SAMMSON: variants seen among roughly 807,000 people sequenced by gnomAD.
SAMMSON encodes survival associated mitochondrial melanoma specific oncogenic non-coding RNA, also known as long intergenic non-protein coding RNA 1212.
chr3:70,017,360 G>A (rs999908468), intron 3 of SAMMSON, among the ~76,000 whole-genome samples: 1 of 152,032 alleles, frequency 6.6e-6, no homozygotes, highest in Non-Finnish European at 1.5e-5. Flanking sequence ...TTGTGAATGG[G>A]AGTTCACTCA....
intron 2 of SAMMSON, among the ~76,000 whole-genome samples, chr3:70,424,261 T>C (rs188303538): frequency 6.6e-6 from 1 of 152,340 alleles, no homozygotes; most frequent in Non-Finnish European, 1.5e-5. Flanking sequence ...AAAAGCTATG[T>C]GCTTAATTTT....
intron 4 of SAMMSON, among the ~76,000 whole-genome samples, chr3:70,117,025 A>G (rs763323619): frequency 7.2e-5 from 11 of 152,212 alleles, no homozygotes; most frequent in Non-Finnish European, 1.3e-4. Context: ...AAGAATAAAG[A>G]GCAAAAACCT....
intron 4 of SAMMSON, among the ~76,000 whole-genome samples, chr3:70,240,755 A>G (rs1701659893): frequency 6.6e-6 from 1 of 152,180 alleles, no homozygotes; most frequent in Non-Finnish European, 1.5e-5. Flanking sequence ...ACGAGAAGAC[A>G]GAAGCAAGCC....
Position 70,153,249 on chromosome 3 carries a change from G to C in SAMMSON, n.507+81684G>C, listed in dbSNP as rs2067578879. ...TAAATGACTTTACAAAGTCAAGAGC[G>C]GTCTCTAATATGGTTGCACTGACAG... On this transcript the variant is annotated intron_variant and non_coding_transcript_variant, in intron 4 of 9. Coordinates refer to ENST00000642114, the Ensembl canonical transcript of SAMMSON. Among the ~76,000 whole-genome samples, 3 of 151,734 alleles carry C rather than the reference G, an allele frequency of 2.0e-5. No homozygotes were observed. In the South Asian group the frequency reaches 6.2e-4, roughly 32 times the overall value.
chr3:70,151,722 G>A (rs577998871), intron 4 of SAMMSON, among the ~76,000 whole-genome samples: 39 of 151,874 alleles, frequency 2.6e-4, no homozygotes, highest in Admixed American at 1.6e-3. Flanking sequence ...TTATAATGCC[G>A]TCATCTCATC....
chr3:70,186,108 A>T (rs1701089380), intron 4 of SAMMSON, among the ~76,000 whole-genome samples: 1 of 152,150 alleles, frequency 6.6e-6, no homozygotes, highest in Non-Finnish European at 1.5e-5. Flanking sequence ...ACAGAAAGAG[A>T]TCCTTTCCTC....
chr3:70,349,577 G>A (rs1019810456), intron 7 of SAMMSON, among the ~76,000 whole-genome samples: 2 of 152,130 alleles, frequency 1.3e-5, no homozygotes, highest in African/African-American at 4.8e-5. Flanking sequence ...GGGTTGTTGA[G>A]AGGAGGAAAA....
At chr3:70,085,640 T>C (rs1430597870) in intron 4 of SAMMSON, among the ~76,000 whole-genome samples, 1 of 152,214 alleles carries the variant, frequency 6.6e-6, no homozygotes, top group Non-Finnish European at 1.5e-5. Flanking sequence ...TACCCAAATT[T>C]TATGAATACA....
intron 7 of SAMMSON, among the ~76,000 whole-genome samples, chr3:70,336,472 C>T (rs970036488): frequency 5.9e-5 from 9 of 151,900 alleles, no homozygotes; most frequent in African/African-American, 1.9e-4. Flanking sequence ...ACAGAGTTCC[C>T]CTTTCCCACT....
intron 6 of SAMMSON, among the ~76,000 whole-genome samples, chr3:70,258,572 T>C (rs149093288): frequency 6.6e-6 from 1 of 152,256 alleles, no homozygotes; most frequent in East Asian, 1.9e-4. Context: ...TTTCTATCCA[T>C]TGTAAACAGG....
intron 4 of SAMMSON, among the ~76,000 whole-genome samples, chr3:70,169,793 C>G (rs1487284388): frequency 6.6e-6 from 1 of 151,714 alleles, no homozygotes; most frequent in Non-Finnish European, 1.5e-5. Flanking sequence ...TTAGAATGAA[C>G]TACATTTTAT....
At chr3:70,305,328 T>C (rs1309555574) in intron 7 of SAMMSON, among the ~76,000 whole-genome samples, 1 of 152,190 alleles carries the variant, frequency 6.6e-6, no homozygotes, top group Non-Finnish European at 1.5e-5. Context: ...CATGAGTTAA[T>C]GAAAACTACA....
At chr3:70,386,230 A>G (rs1430980726) in intron 9 of SAMMSON, among the ~76,000 whole-genome samples, 2 of 152,106 alleles carry the variant, frequency 1.3e-5, no homozygotes, top group Non-Finnish European at 2.9e-5. Context: ...CTGATTATCA[A>G]GGTCCCTGGC....
intron 4 of SAMMSON, among the ~76,000 whole-genome samples, chr3:70,199,742 T>G (rs1701218623): frequency 6.6e-6 from 1 of 152,202 alleles, no homozygotes; most frequent in African/African-American, 2.4e-5. Flanking sequence ...TGAATGAGTA[T>G]ATTTTTCTTT....
chr3:70,021,842 A>T (rs772968581), intron 3 of SAMMSON, among the ~76,000 whole-genome samples: 3 of 152,212 alleles, frequency 2.0e-5, no homozygotes, highest in Non-Finnish European at 4.4e-5. Context: ...ACTAGCTTGC[A>T]GCTGAGACTT....
chr3:70,045,385 G>C lies in SAMMSON; in HGVS notation n.418-26091G>C, dbSNP rs952780093. 2.0e-5 allele frequency among the ~76,000 whole-genome samples: 3 copies of C among 150,838 alleles called. No homozygotes were observed. The Admixed American group carries it at 2.0e-4, about 10-fold the overall frequency. ...CCATAAGTAATTAATACCTTTAAAA[G>C]CATGTTTGAAATAATTAGTTAAGCA... is the stretch of plus-strand genomic sequence containing the variant. On this transcript the variant is annotated intron_variant and non_coding_transcript_variant, in intron 3 of 9. Coordinates refer to ENST00000642114, the Ensembl canonical transcript of SAMMSON.
chr3:70,313,220 T>G (rs1481150620), intron 7 of SAMMSON, among the ~76,000 whole-genome samples: 1 of 152,128 alleles, frequency 6.6e-6, no homozygotes, highest in Non-Finnish European at 1.5e-5. Context: ...TCCCAGCACT[T>G]TGAGGAGGCT....
intron 3 of SAMMSON, among the ~76,000 whole-genome samples, chr3:70,031,237 T>C (rs1252492302): frequency 6.6e-6 from 1 of 152,172 alleles, no homozygotes; most frequent in Non-Finnish European, 1.5e-5. Context: ...TGATACATGC[T>C]ACAACATAAA....
At chr3:70,105,035 A>G (rs183936824) in intron 4 of SAMMSON, among the ~76,000 whole-genome samples, 1 of 152,310 alleles carries the variant, frequency 6.6e-6, no homozygotes, top group Admixed American at 6.5e-5. Flanking sequence ...GCCTAAGCCA[A>G]GCACCCTTTC....
Sources: gnomAD v4.1 joint callset for allele counts (sites outside exome capture counted in the v4.1 genomes callset) on GRCh38, gnomAD v4.1.1 for gene constraint, MANE v1.5 for transcripts, NCBI Gene and HGNC (gene_info 2026-07-23, HGNC 2026-07-21) for gene names.